ITM2C: variants seen among roughly 807,000 people sequenced by gnomAD.
ITM2C encodes integral membrane protein 2C, also known as BRICHOS domain containing 2C.
In ITM2C, 20 loss-of-function variants were observed where a neutral mutation model predicts 30.0. The observed-to-expected ratio is 0.67, with a 90% CI of 0.47 to 0.97. ITM2C has a LOEUF of 0.97. Ranked by LOEUF, ITM2C falls within the 50% of genes least tolerant of loss-of-function variation. The pLI, the probability that ITM2C is intolerant of heterozygous loss-of-function variation, is 0.00. For missense variants in ITM2C, 366 were observed against 371.9 expected (o/e 0.98, Z 0.13); for synonymous variants, 167 against 156.4 (o/e 1.07, Z -0.51).
chr2:230,877,156 G>C lies in ITM2C; in HGVS notation c.561+189G>C, dbSNP rs1318136358. On this transcript the variant is annotated intron_variant, in intron 4 of 5. Transcript: ENST00000326427. This position sits in a 1 kb window ranked among gnomAD's most constrained non-coding sequence, Gnocchi z 4.8. ...CTATCCCCCTGCTTCCACATCTCCA[G>C]AGTCAATGCCCCGAGACCGGCTTCC... Among the ~76,000 whole-genome samples, 2 of 152,194 alleles carry C rather than the reference G, an allele frequency of 1.3e-5. No individual in the cohort carries two copies. The highest frequency in any genetic ancestry group is 4.8e-5 in the African/African-American group (2 of 41,430).
chr2:230,874,100 G>A (rs1697232612), intron 2 of ITM2C, among the ~76,000 whole-genome samples: 1 of 152,232 alleles, frequency 6.6e-6, no homozygotes, highest in African/African-American at 2.4e-5. Context: ...CTGGGAGGGA[G>A]GGAGTGTCGC....
At chr2:230,869,849 G>GGGTCCCTGGACTTCC (rs530917555) in intron 1 of ITM2C, among the ~76,000 whole-genome samples, 354 of 152,292 alleles carry the variant, frequency 2.3e-3, no homozygotes, top group African/African-American at 8.0e-3. Flanking sequence ...GGCCTCTCTC[G>GGGTCCCTGGACTTCC]GGTCCCTGGA....
Position 230,877,516 on chromosome 2 carries a change from C to T in ITM2C, c.678C>T (p.Asp226=), listed in dbSNP as rs1161601852. The change falls in exon 5 of 6, where the codon GAC becomes GAT. Residue 226 remains aspartate, a synonymous_variant. Coordinates refer to ENST00000326427, the MANE Select transcript of ITM2C (RefSeq NM_030926.6). This position sits in a 1 kb window ranked among gnomAD's most constrained non-coding sequence, Gnocchi z 4.8. ...TCTACCACCTGTGCAACGGGAAAGA[C>T]ACCTACCGGCTCCGGCGCCGGGCAA... is the stretch of plus-strand genomic sequence containing the variant. The part of the protein sequence containing the change: ...SFIYHLCNGK[D]TYRLRRRATR... The T allele has an allele frequency of 6.2e-7, 1 of 1,613,960 alleles. No homozygotes were observed. Among genetic ancestry groups the T allele is most frequent in the South Asian group, 1.1e-5 (1 of 91,078 alleles).
intron 1 of ITM2C, among the ~76,000 whole-genome samples, chr2:230,870,028 G>A (rs1038419458): frequency 3.9e-5 from 6 of 152,352 alleles, no homozygotes; most frequent in Admixed American, 2.0e-4. Flanking sequence ...TAGGTGGTGC[G>A]GCTGGGGTCT....
chr2:230,876,607 G>A (rs919600790), intron 3 of ITM2C, among the ~76,000 whole-genome samples: 1 of 151,994 alleles, frequency 6.6e-6, no homozygotes, highest in African/African-American at 2.4e-5. Flanking sequence ...TCAGCCCCCC[G>A]AGTAGCTGGG....
intron 1 of ITM2C, among the ~76,000 whole-genome samples, chr2:230,867,263 G>A (rs541040688): frequency 2.0e-5 from 3 of 152,332 alleles, no homozygotes; most frequent in African/African-American, 7.2e-5. Context: ...CTGGCGTGGT[G>A]CAGAGGGACT....
chr2:230,869,116 C>T (rs1233245157), intron 1 of ITM2C, among the ~76,000 whole-genome samples: 1 of 152,240 alleles, frequency 6.6e-6, no homozygotes, highest in African/African-American at 2.4e-5. Context: ...TGGCCAGCCC[C>T]TCTGTCCACC....
At chr2:230,869,264 G>A (rs1697105820) in intron 1 of ITM2C, among the ~76,000 whole-genome samples, 1 of 152,226 alleles carries the variant, frequency 6.6e-6, no homozygotes, top group African/African-American at 2.4e-5. Context: ...GAGCGCATCT[G>A]CACAGATGCT....
In ITM2C at chr2:230,878,017, A is replaced by G. The variant is rs140008424; in HGVS notation, c.722A>G (p.Lys241Arg). ...RRRATRRRIN[K>R]RGAKNCNAIR... is the part of the protein sequence containing the mutation. ...TTCTTTTTCCTCCCAGGGATCAACA[A>G]GCGTGGGGCCAAGAACTGCAATGCC... The change falls in exon 6 of 6, where the codon AAG becomes AGG. Residue 241 changes from lysine to arginine, a missense_variant. Lys to Arg is a conservative substitution (Grantham distance 26). Coordinates refer to ENST00000326427, the MANE Select transcript of ITM2C (RefSeq NM_030926.6). This position sits in a 1 kb window ranked among gnomAD's most constrained non-coding sequence, Gnocchi z 4.5. 1.1e-4 allele frequency: 184 copies of G among 1,612,690 alleles called. No individual in the cohort carries two copies. Among genetic ancestry groups the G allele is most frequent in the Non-Finnish European group, 1.5e-4 (175 of 1,179,370 alleles).
intron 4 of ITM2C, 22 bp downstream of exon 4, chr2:230,876,989 T>C (rs768334928): frequency 3.4e-6 from 5 of 1,486,226 alleles, no homozygotes; most frequent in Non-Finnish European, 4.7e-6. Context: ...GTTGGGGGGA[T>C]GTCTGCAGCA....
At chr2:230,875,332 T>A (rs1559157915) in intron 2 of ITM2C, among the ~76,000 whole-genome samples, 1 of 151,636 alleles carries the variant, frequency 6.6e-6, no homozygotes, top group Non-Finnish European at 1.5e-5. Flanking sequence ...CCCAGAGAGG[T>A]CTGCCACCTA....
At position 230,877,615 on chromosome 2, in the gene ITM2C, C is replaced by A. The variant is rs1689948539; in HGVS notation, c.712+65C>A. On this transcript the variant is annotated intron_variant, in intron 5 of 5. Transcript: ENST00000326427. This position sits in a 1 kb window ranked among gnomAD's most constrained non-coding sequence, Gnocchi z 4.8. ...GCCCCAGACCACAGTTATCTTCACG[C>A]CTAGCCCAGCTGTCAGAGAGCTCAG... 15 of 1,554,198 alleles carry A rather than the reference C, an allele frequency of 9.7e-6. No homozygotes were observed. The highest frequency in any genetic ancestry group is 5.3e-6 in the Non-Finnish European group (6 of 1,134,658).
At chr2:230,873,135 G>A (rs1377489870) in intron 1 of ITM2C, 1 of 367,482 alleles carries the variant, frequency 2.7e-6, no homozygotes, top group Non-Finnish European at 4.8e-6. Context: ...TGCACCTGCT[G>A]AACCCACTGC....
chr2:230,873,049 T>C (rs1242632369), intron 1 of ITM2C, among the ~76,000 whole-genome samples: 1 of 152,102 alleles, frequency 6.6e-6, no homozygotes, highest in Non-Finnish European at 1.5e-5. Context: ...GCACATCCCC[T>C]ATCTTCTGTT....
intron 1 of ITM2C, among the ~76,000 whole-genome samples, chr2:230,869,462 G>A (rs904761266): frequency 1.3e-5 from 2 of 152,058 alleles, no homozygotes; most frequent in African/African-American, 4.8e-5. Flanking sequence ...CACTCGGTGG[G>A]TGCCCTGGCC....
At chr2:230,871,514 G>A (rs181233701) in intron 1 of ITM2C, among the ~76,000 whole-genome samples, 163 of 152,364 alleles carry the variant, frequency 1.1e-3, no homozygotes, top group African/African-American at 3.8e-3. Context: ...GGCCATGCCC[G>A]TCACTTGCTG....
rs1689961031 is a variant in ITM2C, at chr2:230,877,955, T to C, written c.713-53T>C. 4.1e-6 allele frequency: 6 copies of C among 1,460,830 alleles called. No individual in the cohort carries two copies. Among genetic ancestry groups the C allele is most frequent in the Non-Finnish European group, 5.8e-6 (6 of 1,042,466 alleles). The allele number at this position is 1,460,830 out of a possible 1,614,324, so 90.5% of individuals were successfully genotyped here. Reference sequence around the variant, plus strand: ...TGGCTCAGGCTGAGGCTGGTGGTCTTTGTGACTCAGCCAGGATGCAGGGCT... The same window carrying C: ...TGGCTCAGGCTGAGGCTGGTGGTCTCTGTGACTCAGCCAGGATGCAGGGCT... On this transcript the variant is annotated intron_variant, in intron 5 of 5. Transcript: ENST00000326427. The surrounding 1 kb of genome is among the most constrained non-coding windows in gnomAD (Gnocchi z 4.8).
chr2:230,867,258 G>A (rs140096352), intron 1 of ITM2C, among the ~76,000 whole-genome samples: 7 of 152,328 alleles, frequency 4.6e-5, no homozygotes, highest in Admixed American at 6.5e-5. Context: ...AGGCCCTGGC[G>A]TGGTGCAGAG....
In ITM2C at chr2:230,865,300, A is replaced by G. The variant is rs1696998696; in HGVS notation, c.120+155A>G. The G allele has an allele frequency of 1.3e-6, 1 of 768,950 alleles. No homozygotes were observed. Among genetic ancestry groups the G allele is most frequent in the Non-Finnish European group, 1.8e-6 (1 of 558,946 alleles). 47.6% of individuals were successfully genotyped at this position (768,950 alleles called of 1,614,324 possible). A position where few individuals can be genotyped will look rare whatever the true frequency, so the allele number is the denominator to read the frequency against. ...AGTCTCGAATGGTTGCTTATCCCAG[A>G]ATGAGGAGGGGGCTTAAGTCCCGTA... is the stretch of plus-strand genomic sequence containing the variant. On this transcript the variant is annotated intron_variant, in intron 1 of 5. Coordinates refer to ENST00000326427, the MANE Select transcript of ITM2C (RefSeq NM_030926.6). This position sits in a 1 kb window ranked among gnomAD's most constrained non-coding sequence, Gnocchi z 6.8.
Sources: allele counts gnomAD v4.1 joint callset (sites outside exome capture counted in the v4.1 genomes callset), GRCh38; gene constraint gnomAD v4.1.1; non-coding constraint Gnocchi (gnomAD v3.1); transcripts MANE v1.5; gene names NCBI Gene and HGNC (gene_info 2026-07-23, HGNC 2026-07-21).